ALKBH8: variants seen among roughly 807,000 people sequenced by gnomAD.
ALKBH8 encodes tRNA (carboxymethyluridine(34)-5-O)-methyltransferase ALKBH8.
A neutral mutation model predicts 59.8 loss-of-function variants in ALKBH8; 36 were observed. That is an observed-to-expected ratio of 0.60 (90% CI 0.46 to 0.79). The LOEUF (loss-of-function observed/expected upper bound fraction) is 0.79, where lower values mean the gene tolerates loss of function less well. ALKBH8 is among the 30% of genes least tolerant of loss of function. The probability of loss-of-function intolerance (pLI) is 0.00; values close to 1 mark genes in which losing one functional copy is unlikely to be tolerated. For missense variants in ALKBH8, 768 were observed against 801.0 expected, an observed-to-expected ratio of 0.96 and a Z score of 0.50; for synonymous variants, 276 against 273.6, an observed-to-expected ratio of 1.01 and a Z score of -0.09.
intron 9 of ALKBH8, among the ~76,000 whole-genome samples, chr11:107,524,153 G>A (rs1397736642): frequency 6.6e-6 from 1 of 151,938 alleles, no homozygotes; most frequent in African/African-American, 2.4e-5. Context: ...CAAACTCCTA[G>A]GCTCACACAA....
At chr11:107,507,155 G>A (rs1862420507) in intron 11 of ALKBH8, among the ~76,000 whole-genome samples, 1 of 152,112 alleles carries the variant, frequency 6.6e-6, no homozygotes, top group Admixed American at 6.5e-5. Context: ...AAATAAGGCT[G>A]GCAATGAAAG....
chr11:107,556,906 A>G lies in ALKBH8; in HGVS notation c.227T>C (p.Met76Thr), dbSNP rs760140701. The change falls in exon 3 of 12, where the codon ATG becomes ACG. Residue 76 changes from methionine (M) to threonine (T), a missense_variant. Transcript: ENST00000428149. ...AAATGAGTACGGCTTGTTAGGTGGC[A>G]TTAAGAGAGCATCCACCAGTCCACA... ...EKCGLVDALL[M>T]PPNKPYSFAR... 6.2e-7 allele frequency: 1 copy of G among 1,612,714 alleles called. No individual in the cohort carries two copies. Among genetic ancestry groups the G allele is most frequent in the South Asian group, 1.1e-5 (1 of 90,914 alleles).
At chr11:107,526,760 T>C (rs1863374452) in intron 8 of ALKBH8, among the ~76,000 whole-genome samples, 4 of 151,874 alleles carry the variant, frequency 2.6e-5, no homozygotes, top group Admixed American at 6.6e-5. Flanking sequence ...GTGAATGGTA[T>C]GAGATAGATT....
intron 10 of ALKBH8, among the ~76,000 whole-genome samples, chr11:107,518,359 A>T (rs995996257): frequency 1.3e-5 from 2 of 152,154 alleles, no homozygotes; most frequent in African/African-American, 4.8e-5. Flanking sequence ...GCAGTGTGCG[A>T]TTATGGTTCA....
intron 10 of ALKBH8, among the ~76,000 whole-genome samples, chr11:107,521,070 C>T (rs767626869): frequency 1.3e-5 from 2 of 152,086 alleles, no homozygotes; most frequent in Non-Finnish European, 2.9e-5. Context: ...GCAAATACTA[C>T]ATAATTTTGT....
chr11:107,551,822 T>C lies in ALKBH8; in HGVS notation c.686A>G (p.Tyr229Cys). ...GAAATACTCACCTTGCCCAGGTTCA[T>C]ACTGATTTATGGTCATTTGATCAGG... The part of the protein sequence containing the change: ...HKPDQMTINQ[Y>C]EPGQGIPAHI... The change falls in exon 6 of 12, where the codon TAT (tyrosine) becomes TGT (cysteine). Residue 229 changes from tyrosine (Y) to cysteine (C), a missense_variant. Transcript: ENST00000428149. The C allele has an allele frequency of 1.3e-6, 2 of 1,541,572 alleles. No individual in the cohort carries two copies. Among genetic ancestry groups the C allele is most frequent in the Non-Finnish European group, 1.7e-6 (2 of 1,151,682 alleles).
intron 7 of ALKBH8, among the ~76,000 whole-genome samples, chr11:107,533,618 AC>A (rs1208515557): frequency 6.6e-6 from 1 of 152,142 alleles, no homozygotes; most frequent in African/African-American, 2.4e-5. Flanking sequence ...CATTCGAAAC[AC>A]CGGAGATTAA....
intron 10 of ALKBH8, among the ~76,000 whole-genome samples, chr11:107,512,083 A>G (rs1862652718): frequency 6.6e-6 from 1 of 152,022 alleles, no homozygotes; most frequent in African/African-American, 2.4e-5. Context: ...TGCCTTATGT[A>G]TGCATCTGGT....
chr11:107,519,245 A>G (rs1260091788), intron 10 of ALKBH8, among the ~76,000 whole-genome samples: 2 of 152,084 alleles, frequency 1.3e-5, no homozygotes, highest in Admixed American at 1.3e-4. Context: ...AGCTAGGATT[A>G]CAGGCATGCG....
intron 9 of ALKBH8, among the ~76,000 whole-genome samples, chr11:107,524,194 G>C (rs1323007259): frequency 6.6e-6 from 1 of 151,914 alleles, no homozygotes; most frequent in Non-Finnish European, 1.5e-5. Context: ...TAGTAACTAG[G>C]ACTACAGGCA....
chr11:107,528,440 G>T (rs965248232), intron 8 of ALKBH8, among the ~76,000 whole-genome samples: 4 of 152,066 alleles, frequency 2.6e-5, no homozygotes, highest in Non-Finnish European at 4.4e-5. Context: ...AGGCAATTTT[G>T]TAGAGGCAAA....
intron 1 of ALKBH8, among the ~76,000 whole-genome samples, chr11:107,561,797 A>T (rs1864948583): frequency 6.6e-6 from 1 of 152,210 alleles, no homozygotes; most frequent in Non-Finnish European, 1.5e-5. Flanking sequence ...TAAATATTTG[A>T]TGGTAGGGCT....
intron 7 of ALKBH8, among the ~76,000 whole-genome samples, chr11:107,539,274 C>T (rs1285093357): frequency 6.6e-6 from 1 of 152,180 alleles, no homozygotes; most frequent in Non-Finnish European, 1.5e-5. Context: ...CTACCTATGC[C>T]ATATGGCCTC....
intron 9 of ALKBH8, among the ~76,000 whole-genome samples, chr11:107,523,866 T>C (rs1172631639): frequency 1.3e-5 from 2 of 152,058 alleles, no homozygotes; most frequent in African/African-American, 4.8e-5. Flanking sequence ...CCTCCCAAAG[T>C]GCTGGGATTA....
chr11:107,538,269 T>G (rs1321140449), intron 7 of ALKBH8, among the ~76,000 whole-genome samples: 3 of 152,156 alleles, frequency 2.0e-5, no homozygotes, highest in African/African-American at 7.2e-5. Flanking sequence ...AAATGTAGAC[T>G]TCCTATGAAA....
At chr11:107,506,057 G>T (rs1288313584) in intron 11 of ALKBH8, among the ~76,000 whole-genome samples, 1 of 152,148 alleles carries the variant, frequency 6.6e-6, no homozygotes, top group Non-Finnish European at 1.5e-5. Context: ...AAGTTAAAAT[G>T]CTAAACAAAA....
chr11:107,558,765 T>C (rs1864813583), intron 2 of ALKBH8, among the ~76,000 whole-genome samples: 1 of 152,244 alleles, frequency 6.6e-6, no homozygotes, highest in African/African-American at 2.4e-5. Context: ...TATTTATAAT[T>C]GTTCAAGCAA....
chr11:107,530,530 T>A (rs2135520749), intron 8 of ALKBH8, among the ~76,000 whole-genome samples: 1 of 151,936 alleles, frequency 6.6e-6, no homozygotes, highest in South Asian at 2.1e-4. Context: ...TCTCTCTCTC[T>A]TTCTTGCCTC....
intron 9 of ALKBH8, 98 bp from the exon 10 acceptor site, chr11:107,522,653 G>T (rs1339947338): frequency 7.5e-7 from 1 of 1,339,682 alleles, no homozygotes; most frequent in Admixed American, 2.8e-5. Context: ...TGCAAATTTG[G>T]TGGGTAGACA....
Sources: allele counts gnomAD v4.1 joint callset (sites outside exome capture counted in the v4.1 genomes callset), GRCh38; gene constraint gnomAD v4.1.1; transcripts MANE v1.5; gene names NCBI Gene and HGNC (gene_info 2026-07-23, HGNC 2026-07-21).